Variants in USP34 observed in about 807,000 individuals in gnomAD.
USP34 encodes ubiquitin specific peptidase 34.
A neutral mutation model predicts 460.3 loss-of-function variants in USP34; 70 were observed. The ratio of observed to expected loss-of-function variants is 0.15; its 90% CI spans 0.13 to 0.19. USP34 has a LOEUF of 0.19. Ranked by LOEUF, USP34 falls within the 10% of genes least tolerant of loss-of-function variation. USP34 has a pLI of 1.00. For synonymous variants in USP34, 1,647 were observed against 1,405.3 expected, an observed-to-expected ratio of 1.17 and a Z score of -3.85; for missense variants, 3,985 against 4,236.2, an observed-to-expected ratio of 0.94 and a Z score of 1.65.
At chr2:61,422,656 A>C (rs7587389) in intron 1 of USP34, among the ~76,000 whole-genome samples, 1 of 152,146 alleles carries the variant, frequency 6.6e-6, no homozygotes, top group African/African-American at 2.4e-5. Context: ...ATGGAAAGAA[A>C]TCAAGTCACT....
intron 43 of USP34, among the ~76,000 whole-genome samples, chr2:61,264,622 C>T (rs1385788316): frequency 1.3e-5 from 2 of 152,134 alleles, no homozygotes; most frequent in Non-Finnish European, 2.9e-5. Flanking sequence ...GTCAGGGTGA[C>T]AGACACTGAG....
At chr2:61,319,030 A>C (rs1258345203) in intron 22 of USP34, 143 bp downstream of exon 22, 1 of 726,794 alleles carries the variant, frequency 1.4e-6, no homozygotes, top group Non-Finnish European at 2.0e-6. Context: ...CTGACCAAAA[A>C]TTATATTAGG....
chr2:61,267,322 T>G (rs1347641909), intron 41 of USP34, among the ~76,000 whole-genome samples: 2 of 152,190 alleles, frequency 1.3e-5, no homozygotes, highest in Non-Finnish European at 2.9e-5. Context: ...AAACAGAAAT[T>G]TTTGAAATGT....
At chr2:61,413,412 A>T (rs899544198) in intron 2 of USP34, among the ~76,000 whole-genome samples, 56 of 150,264 alleles carry the variant, frequency 3.7e-4, no homozygotes, top group African/African-American at 1.3e-3. Flanking sequence ...ATAAAAAAAT[A>T]AAAAAACAAA....
chr2:61,297,421 T>C (rs1690061949), intron 29 of USP34, among the ~76,000 whole-genome samples: 1 of 152,256 alleles, frequency 6.6e-6, no homozygotes, highest in Non-Finnish European at 1.5e-5. Context: ...TTTAGAGACC[T>C]ATTTTTTTCC....
At chr2:61,453,137 A>G (rs1219059253) in intron 1 of USP34, among the ~76,000 whole-genome samples, 1 of 152,118 alleles carries the variant, frequency 6.6e-6, no homozygotes, top group Non-Finnish European at 1.5e-5. Context: ...TAGGCTGGGC[A>G]CTGTGGCTCA....
At chr2:61,302,912 A>G (rs1690272725) in intron 27 of USP34, among the ~76,000 whole-genome samples, 2 of 152,246 alleles carry the variant, frequency 1.3e-5, no homozygotes, top group South Asian at 2.1e-4. Flanking sequence ...ATTTTAAACA[A>G]AAATTACATT....
In USP34 at chr2:61,406,119, T is replaced by C. The variant is rs180880022; in HGVS notation, c.141A>G (p.Leu47=). The change falls in exon 3 of 80, where the codon CTA becomes CTG. Residue 47 remains leucine, a synonymous_variant. Transcript: ENST00000398571. The part of the protein sequence containing the change: ...YINSWTQRQC[L]CCFKEYKHLE... Reference sequence around the variant, plus strand: ...AATGCTTATATTCCTTGAAGCAGCATAGACATTGCCTATAAGAGAAAAAAA... The same window carrying C: ...AATGCTTATATTCCTTGAAGCAGCACAGACATTGCCTATAAGAGAAAAAAA... 2.1e-5 allele frequency: 33 copies of C among 1,593,614 alleles called. No individual in the cohort carries two copies. The highest frequency in any genetic ancestry group is 3.4e-4 in the Middle Eastern group (2 of 5,958).
Position 61,188,272 on chromosome 2 carries a change from A to C in USP34, c.10471T>G (p.Leu3491Val). Reference protein sequence around the residue: ...ADLRSCDGQALPSQDPEVALS... With the variant: ...ADLRSCDGQAVPSQDPEVALS... The stretch of plus-strand genomic sequence containing the variant: ...GCAACCTCAGGGTCCTGGGAGGGCA[A>C]AGCTTGGCCATCACAGCTTCTCAAG... The change falls in exon 80 of 80, where the codon TTG (leucine) becomes GTG (valine). Residue 3491 changes from leucine (L) to valine (V), a missense_variant. Physicochemically the swap from Leu to Val is conservative, Grantham distance 32. Transcript: ENST00000398571. The C allele has an allele frequency of 6.2e-7, 1 of 1,613,982 alleles. No individual in the cohort carries two copies. Among genetic ancestry groups the C allele is most frequent in the Non-Finnish European group, 8.5e-7 (1 of 1,180,020 alleles).
intron 61 of USP34, 33 bp from the exon 62 acceptor site, chr2:61,227,251 T>C (rs1399869482): frequency 6.4e-7 from 1 of 1,571,024 alleles, no homozygotes; most frequent in East Asian, 2.4e-5. Context: ...TTTAATACGG[T>C]AGTAGTTTTA....
intron 1 of USP34, among the ~76,000 whole-genome samples, chr2:61,451,620 T>C (rs1485843525): frequency 6.6e-6 from 1 of 151,090 alleles, no homozygotes; most frequent in Non-Finnish European, 1.5e-5. Flanking sequence ...AGACGGAGGT[T>C]GTGGTGAGCC....
intron 3 of USP34, among the ~76,000 whole-genome samples, chr2:61,403,984 C>T (rs189966208): frequency 0.028 from 2,582 of 93,286 alleles, 41 homozygotes; most frequent in East Asian, 0.047. Context: ...CAGATCAAGA[C>T]TCTATCTCAA....
chr2:61,251,303 C>G (rs1248022815), intron 48 of USP34, among the ~76,000 whole-genome samples: 1 of 152,232 alleles, frequency 6.6e-6, no homozygotes, highest in South Asian at 2.1e-4. Flanking sequence ...AGCTAAAAAA[C>G]TATATTTCAA....
At chr2:61,447,670 G>A (rs940279946) in intron 1 of USP34, among the ~76,000 whole-genome samples, 1 of 152,044 alleles carries the variant, frequency 6.6e-6, no homozygotes, top group Non-Finnish European at 1.5e-5. Context: ...AAAAAGACAT[G>A]AATACAAGAT....
At chr2:61,423,739 T>G (rs1047980740) in intron 1 of USP34, among the ~76,000 whole-genome samples, 1 of 152,126 alleles carries the variant, frequency 6.6e-6, no homozygotes, top group Non-Finnish European at 1.5e-5. Flanking sequence ...AGGCCAGGAA[T>G]TCAAGACCAG....
intron 10 of USP34, among the ~76,000 whole-genome samples, chr2:61,362,860 A>G (rs532206283): frequency 9.2e-5 from 14 of 152,354 alleles, no homozygotes; most frequent in African/African-American, 3.4e-4. Context: ...TACACCTTAA[A>G]TACATAATTT....
intron 1 of USP34, among the ~76,000 whole-genome samples, chr2:61,445,464 G>A (rs1486731018): frequency 6.7e-6 from 1 of 150,366 alleles, no homozygotes; most frequent in East Asian, 2.0e-4. Flanking sequence ...GAACCCGGGA[G>A]GCAGAGTTTG....
At chr2:61,344,763 GTT>G (rs2103768441) in intron 15 of USP34, among the ~76,000 whole-genome samples, 2 of 152,284 alleles carry the variant, frequency 1.3e-5, no homozygotes, top group African/African-American at 4.8e-5. Context: ...AACTGTGAAT[GTT>G]TGTATCTATA....
At chr2:61,222,315 T>C (rs565842181) in intron 65 of USP34, among the ~76,000 whole-genome samples, 1 of 152,346 alleles carries the variant, frequency 6.6e-6, no homozygotes, top group South Asian at 2.1e-4. Context: ...TCCTGGTTGC[T>C]CTACTTTTTC....
Sources: gnomAD v4.1 joint callset for allele counts (sites outside exome capture counted in the v4.1 genomes callset) on GRCh38, gnomAD v4.1.1 for gene constraint, MANE v1.5 for transcripts, NCBI Gene and HGNC (gene_info 2026-07-23, HGNC 2026-07-21) for gene names.